Variants in OPRK1 observed in about 807,000 individuals in gnomAD.
OPRK1 encodes opioid receptor kappa 1, also known as kappa-type opioid receptor.
A neutral mutation model predicts 24.5 loss-of-function variants in OPRK1; 15 were observed. The ratio of observed to expected loss-of-function variants is 0.61; its 90% CI spans 0.41 to 0.94. The LOEUF (loss-of-function observed/expected upper bound fraction) is 0.94, where lower values mean the gene tolerates loss of function less well. Ranked by LOEUF, OPRK1 falls within the 40% of genes least tolerant of loss-of-function variation. OPRK1 has a pLI of 0.00. For synonymous variants in OPRK1, 205 were observed against 198.0 expected (o/e 1.04, Z -0.30); for missense variants, 479 against 507.3 (o/e 0.94, Z 0.54).
rs1806948662 is a variant in OPRK1, at chr8:53,234,783, G to A, written c.586C>T (p.Leu196Phe). 6.2e-7 allele frequency: 1 copy of A among 1,613,390 alleles called. No individual in the cohort carries two copies. Among genetic ancestry groups the A allele is most frequent in the Non-Finnish European group, 8.5e-7 (1 of 1,179,352 alleles). ...SSSVGISAIV[L>F]GGTKVREDVD... ...CCTTCCCTGACTTTGGTGCCTCCAAGGACTATTGCAGAGATGCCAACAGAT... is the reference window on the plus strand; with the variant it reads ...CCTTCCCTGACTTTGGTGCCTCCAAAGACTATTGCAGAGATGCCAACAGAT... The change falls in exon 3 of 4, where the codon CTT becomes TTT. Residue 196 changes from leucine (L) to phenylalanine (F), a missense_variant. By Grantham distance (22) the Leu-to-Phe change is conservative. Coordinates refer to ENST00000265572, the MANE Select transcript of OPRK1 (RefSeq NM_000912.5).
intron 2 of OPRK1, among the ~76,000 whole-genome samples, chr8:53,248,988 C>T (rs1807303125): frequency 6.6e-6 from 1 of 152,158 alleles, no homozygotes; most frequent in Admixed American, 6.5e-5. Flanking sequence ...CATTAAAAAT[C>T]CTAGCTAATC....
intron 1 of OPRK1, 26 bp downstream of exon 1, chr8:53,251,422 C>CTGCA: frequency 4.1e-6 from 1 of 242,768 alleles, no homozygotes; most frequent in Non-Finnish European, 7.8e-6. Context: ...CTACCTAGAA[C>CTGCA]TGCACCTCGA....
At position 53,234,990 on chromosome 8, in the gene OPRK1, C is replaced by T. The variant is rs769542068; in HGVS notation, c.379G>A (p.Gly127Arg). The T allele has an allele frequency of 4.3e-6, 7 of 1,614,044 alleles. No homozygotes were observed. In the South Asian group the frequency reaches 7.7e-5, roughly 18 times the overall value. Residue 127 changes from glycine (G) to arginine (R), a missense_variant, in exon 3 of 4, where the codon GGG becomes AGG. Coordinates refer to ENST00000265572, the MANE Select transcript of OPRK1 (RefSeq NM_000912.5). ...TVYLMNSWPF[G>R]DVLCKIVISI... ...ATTACTATCTTGCACAGCACATCCCCAAAAGGCCAGGAATTCATCAAGTAG... is the reference window on the plus strand; with the variant it reads ...ATTACTATCTTGCACAGCACATCCCTAAAAGGCCAGGAATTCATCAAGTAG...
chr8:53,239,656 T>C (rs1385558327), intron 2 of OPRK1, among the ~76,000 whole-genome samples: 1 of 152,236 alleles, frequency 6.6e-6, no homozygotes, highest in African/African-American at 2.4e-5. Flanking sequence ...GTCATGATGA[T>C]TAAATGAGAC....
intron 2 of OPRK1, among the ~76,000 whole-genome samples, chr8:53,237,758 G>A (rs987384158): frequency 7.2e-5 from 11 of 152,228 alleles, no homozygotes; most frequent in African/African-American, 1.7e-4. Flanking sequence ...TGACTTCCCC[G>A]TATCTTACTT....
rs200822640 is a variant in OPRK1, at chr8:53,228,467, G to T, written c.*830C>A. 6.6e-6 allele frequency: 1 copy of T among 152,130 alleles called. No homozygotes were observed. The highest frequency in any genetic ancestry group is 6.5e-5 in the Admixed American group (1 of 15,278). 9.4% of individuals were successfully genotyped at this position (152,130 alleles called of 1,614,324 possible). Reference sequence around the variant, plus strand: ...ATCATTAGTGTGCCCTCAGGAAATTGCCTGGCTGGGAGGCAAGCCTATTCC... The same window carrying T: ...ATCATTAGTGTGCCCTCAGGAAATTTCCTGGCTGGGAGGCAAGCCTATTCC... On this transcript the variant is annotated 3_prime_UTR_variant, in exon 4 of 4. Transcript: ENST00000265572.
In OPRK1 at chr8:53,229,424, C is replaced by T. The variant is rs375147223; in HGVS notation, c.1016G>A (p.Arg339Gln). 5 of 1,614,178 alleles carry T rather than the reference C, an allele frequency of 3.1e-6. No individual in the cohort carries two copies. The highest frequency in any genetic ancestry group is 2.2e-5 in the East Asian group (1 of 44,872). ...LYAFLDENFK[R>Q]CFRDFCFPLK... ...TGGAAAGCAGAAGTCCCGGAAACAC[C>T]GCTTGAAGTTTTCATCAAGAAAGGC... The change falls in exon 4 of 4, where the codon CGG becomes CAG. Residue 339 changes from arginine (R) to glutamine (Q), a missense_variant. Physicochemically the swap from Arg to Gln is conservative, Grantham distance 43. Coordinates refer to ENST00000265572, the MANE Select transcript of OPRK1 (RefSeq NM_000912.5).
chr8:53,229,734 C>A lies in OPRK1; in HGVS notation c.706G>T (p.Val236Leu). The A allele has an allele frequency of 6.2e-7, 1 of 1,613,926 alleles. No homozygotes were observed. ...MKICVFIFAFVIPVLIIIVCY... is the reference protein window; with the variant it reads ...MKICVFIFAFLIPVLIIIVCY... ...ACGATGATGATGAGGACAGGGATCA[C>A]GAAGGCAAAGATGAAGACGCAGATC... The change falls in exon 4 of 4, where the codon GTG (valine) becomes TTG (leucine). Residue 236 changes from valine to leucine, a missense_variant. Transcript: ENST00000265572.
chr8:53,239,613 T>C (rs1473423685), intron 2 of OPRK1, among the ~76,000 whole-genome samples: 1 of 152,242 alleles, frequency 6.6e-6, no homozygotes, highest in Non-Finnish European at 1.5e-5. Context: ...TGACAGACAC[T>C]GTCTGGGGAA....
intron 2 of OPRK1, among the ~76,000 whole-genome samples, chr8:53,250,375 T>C (rs949651715): frequency 2.0e-5 from 3 of 152,134 alleles, no homozygotes; most frequent in Non-Finnish European, 4.4e-5. Context: ...TTAAGAAATA[T>C]TTGCAAAGGG....
chr8:53,245,033 A>C (rs1563330940), intron 2 of OPRK1, among the ~76,000 whole-genome samples: 1 of 152,216 alleles, frequency 6.6e-6, no homozygotes, highest in Non-Finnish European at 1.5e-5. Flanking sequence ...AATACCTACT[A>C]CAATGTAAAG....
At chr8:53,229,879 A>G in intron 3 of OPRK1, 50 bp from the exon 4 acceptor site, 1 of 1,481,716 alleles carries the variant, frequency 6.7e-7, no homozygotes, top group Non-Finnish European at 9.0e-7. Flanking sequence ...TATTGTTATT[A>G]CCGTGGCTGC....
intron 3 of OPRK1, among the ~76,000 whole-genome samples, chr8:53,231,823 C>T (rs1286728153): frequency 3.3e-5 from 5 of 152,204 alleles, no homozygotes; most frequent in African/African-American, 7.2e-5. Context: ...AAGTCACCGG[C>T]TAAGCTAAGC....
In OPRK1 at chr8:53,250,956, C is replaced by A. The variant is rs762656889; in HGVS notation, c.82G>T (p.Ala28Ser). ...GGCTCGGCCCAGCCGGGAAACCAGG[C>A]GCTGCTGTTGGGGGGCAGGCAGGCG... ...PSACLPPNSS[A>S]WFPGWAEPDS... Residue 28 changes from alanine to serine, a missense_variant, in exon 2 of 4, where the codon GCC becomes TCC. Transcript: ENST00000265572. The A allele has an allele frequency of 1.4e-5, 23 of 1,609,258 alleles. No homozygotes were observed. The African/African-American group carries it at 2.5e-4, about 18-fold the overall frequency.
In OPRK1 at chr8:53,229,643, T is replaced by C; in HGVS notation, c.797A>G (p.Asp266Gly). 6.2e-7 allele frequency: 1 copy of C among 1,614,104 alleles called. No homozygotes were observed. Among genetic ancestry groups the C allele is most frequent in the Non-Finnish European group, 8.5e-7 (1 of 1,179,998 alleles). ...TCTGGTGATCCTACGCAGGTTGCGA[T>C]CTTTCTCTCGGGAGCCAGAAAGGAG... Reference protein sequence around the residue: ...VRLLSGSREKDRNLRRITRLV... With the variant: ...VRLLSGSREKGRNLRRITRLV... The change falls in exon 4 of 4, where the codon GAT becomes GGT. Residue 266 changes from aspartate to glycine, a missense_variant. Physicochemically the swap from Asp to Gly is moderately conservative, Grantham distance 94. Transcript: ENST00000265572.
In OPRK1 at chr8:53,226,507, G is replaced by C. The variant is rs200345606; in HGVS notation, c.*2790C>G. The C allele has an allele frequency of 6.6e-6, 1 of 152,244 alleles. No homozygotes were observed. The highest frequency in any genetic ancestry group is 1.5e-5 in the Non-Finnish European group (1 of 68,054). The allele number at this position is 152,244 out of a possible 1,614,324, so 9.4% of individuals were successfully genotyped here. A position where few individuals can be genotyped will look rare whatever the true frequency, so the allele number is the denominator to read the frequency against. On this transcript the variant is annotated 3_prime_UTR_variant, in exon 4 of 4. Transcript: ENST00000265572. ...ACACATGGAGTTCTAGTCTCAAAGA[G>C]ACACAACAGACAGTGTCCTCCTTGT...
At chr8:53,241,317 T>C (rs535736503) in intron 2 of OPRK1, among the ~76,000 whole-genome samples, 70 of 152,318 alleles carry the variant, frequency 4.6e-4, no homozygotes, top group African/African-American at 1.4e-3. Context: ...TCAGTTCACC[T>C]CAATGAAATT....
Position 53,234,808 on chromosome 8 carries a change from T to A in OPRK1, c.561A>T (p.Ser187=). ...GGACTATTGCAGAGATGCCAACAGATGACGACAGCAGCCAGATGCAGATAT... is the reference window on the plus strand; with the variant it reads ...GGACTATTGCAGAGATGCCAACAGAAGACGACAGCAGCCAGATGCAGATAT... ...IINICIWLLS[S]SVGISAIVLG... The change falls in exon 3 of 4, where the codon TCA becomes TCT. Residue 187 remains serine (S), a synonymous_variant. Transcript: ENST00000265572. 6.2e-7 allele frequency: 1 copy of A among 1,614,224 alleles called. No homozygotes were observed. Among genetic ancestry groups the A allele is most frequent in the Non-Finnish European group, 8.5e-7 (1 of 1,180,040 alleles).
At chr8:53,235,558 A>C (rs747414655) in intron 2 of OPRK1, among the ~76,000 whole-genome samples, 10 of 152,146 alleles carry the variant, frequency 6.6e-5, no homozygotes, top group Non-Finnish European at 1.2e-4. Context: ...TATAATTATG[A>C]TGTATTTTGA....
Sources: gnomAD v4.1 joint callset for allele counts (sites outside exome capture counted in the v4.1 genomes callset) on GRCh38, gnomAD v4.1.1 for gene constraint, MANE v1.5 for transcripts, NCBI Gene and HGNC (gene_info 2026-07-23, HGNC 2026-07-21) for gene names.